Variants in SCP2 observed in about 807,000 individuals in gnomAD.
SCP2 encodes the protein SCP-2/3-oxoacyl-CoA thiolase.
A neutral mutation model predicts 71.4 loss-of-function variants in SCP2; 48 were observed. The ratio of observed to expected loss-of-function variants is 0.67; its 90% CI spans 0.53 to 0.86. The LOEUF (loss-of-function observed/expected upper bound fraction) is 0.86. Among genes scored for constraint, SCP2 ranks in the 40% least tolerant of loss-of-function variants. The pLI is 0.00. For synonymous variants in SCP2, 220 were observed against 218.1 expected (o/e 1.01, Z -0.08); for missense variants, 560 against 655.6 (o/e 0.85, Z 1.59).
Position 53,038,917 on chromosome 1 carries a change from G to A in SCP2, c.1339G>A (p.Glu447Lys). ...ACCCCAGTGTTATTTTTCTTTCCAG[G>A]AAGGGGAACAGTTTGTGAAGAAAAT... Reference protein sequence around the residue: ...FKEIEKKLEEEGEQFVKKIGG... With the variant: ...FKEIEKKLEEKGEQFVKKIGG... The change falls in exon 14 of 16, where the codon GAA becomes AAA. Residue 447 changes from glutamate (E) to lysine (K), a missense_variant and splice_region_variant. Transcript: ENST00000371514. The A allele has an allele frequency of 6.2e-7, 1 of 1,613,966 alleles. No homozygotes were observed. Among genetic ancestry groups the A allele is most frequent in the Non-Finnish European group, 8.5e-7 (1 of 1,180,034 alleles).
rs1247337214 is a variant in SCP2, at chr1:53,014,949, G to C, written c.1141G>C (p.Val381Leu). 6.2e-7 allele frequency: 1 copy of C among 1,613,990 alleles called. No individual in the cohort carries two copies. Among genetic ancestry groups the C allele is most frequent in the Admixed American group, 1.7e-5 (1 of 60,008 alleles). The stretch of plus-strand genomic sequence containing the variant: ...GAGAGGGGAAGCCGGAAAGAGGCAA[G>C]TTCCTGGTGCAAAGGTGGCTCTGCA... Reference protein sequence around the residue: ...QLRGEAGKRQVPGAKVALQHN... With the variant: ...QLRGEAGKRQLPGAKVALQHN... Residue 381 changes from valine to leucine, a missense_variant, in exon 12 of 16, where the codon GTT becomes CTT. By Grantham distance (32) the Val-to-Leu change is conservative. Around this residue, in one of 3 missense-constraint regions of SCP2, gnomAD observed 513 missense variants for 573.1 expected, o/e 0.90. Transcript: ENST00000371514.
chr1:52,978,280 C>T lies in SCP2; in HGVS notation c.738C>T (p.Gly246=), dbSNP rs1293060926. Residue 246 remains glycine, a synonymous_variant, in exon 9 of 16, where the codon GGC becomes GGT. Transcript: ENST00000371514. ...LASEAFVQKY[G]LQSKAVEILA... is the part of the protein sequence containing the mutation. ...GTGAAGCATTTGTACAGAAGTATGG[C>T]CTGCAATCCAAAGCTGTGGAAATTT... 2 of 1,613,916 alleles carry T rather than the reference C, an allele frequency of 1.2e-6. No individual in the cohort carries two copies. Among genetic ancestry groups the T allele is most frequent in the Non-Finnish European group, 1.7e-6 (2 of 1,179,828 alleles).
chr1:53,026,815 G>T (rs764721634), intron 12 of SCP2, among the ~76,000 whole-genome samples: 1 of 151,784 alleles, frequency 6.6e-6, no homozygotes, highest in Non-Finnish European at 1.5e-5. Flanking sequence ...AAGAGAGAGA[G>T]AAAAAGTATG....
At chr1:53,004,844 T>G (rs1660528402) in intron 11 of SCP2, among the ~76,000 whole-genome samples, 1 of 152,062 alleles carries the variant, frequency 6.6e-6, no homozygotes, top group Non-Finnish European at 1.5e-5. Flanking sequence ...ACCCGGGAAG[T>G]GCAAGAGGTT....
At chr1:52,994,701 A>C (rs1165493580) in intron 11 of SCP2, 7 of 688,414 alleles carry the variant, frequency 1.0e-5, no homozygotes, top group South Asian at 6.1e-5. Flanking sequence ...TGAGGCGAGC[A>C]AAAAAATTAA....
chr1:53,038,796 C>G, intron 13 of SCP2, 121 bp from the exon 14 acceptor site: 1 of 1,215,872 alleles, frequency 8.2e-7, no homozygotes, highest in South Asian at 1.3e-5. Context: ...TCATAAGGGA[C>G]CTTGGGGACC....
At chr1:53,029,109 C>T (rs17107648) in intron 13 of SCP2, among the ~76,000 whole-genome samples, 20,875 of 151,860 alleles carry the variant, frequency 0.14, 2,044 homozygotes, top group East Asian at 0.33. Context: ...ACTATATATG[C>T]GGATCTATTT....
At chr1:53,029,378 C>T (rs1662364358) in intron 13 of SCP2, among the ~76,000 whole-genome samples, 1 of 151,988 alleles carries the variant, frequency 6.6e-6, no homozygotes, top group Non-Finnish European at 1.5e-5. Flanking sequence ...ATCCTTTCAC[C>T]TTGGCCCCCC....
intron 12 of SCP2, among the ~76,000 whole-genome samples, chr1:53,021,772 G>A (rs1661762381): frequency 6.6e-6 from 1 of 151,350 alleles, no homozygotes. Context: ...AGACTCCCGA[G>A]TAGCTGGGAC....
chr1:53,000,951 TC>T (rs1660278081), intron 11 of SCP2, among the ~76,000 whole-genome samples: 1 of 151,898 alleles, frequency 6.6e-6, no homozygotes, highest in Non-Finnish European at 1.5e-5. Context: ...CCAGACTTTG[TC>T]TCCAAAAAAA....
At chr1:52,970,135 T>C (rs1657331150) in intron 6 of SCP2, among the ~76,000 whole-genome samples, 1 of 152,216 alleles carries the variant, frequency 6.6e-6, no homozygotes, top group East Asian at 1.9e-4. Context: ...TTCATGGAAA[T>C]ATTTTTTAAA....
At chr1:53,039,083 C>T (rs753081017) in intron 14 of SCP2, 37 bp downstream of exon 14, 9 of 1,612,896 alleles carry the variant, frequency 5.6e-6, no homozygotes, top group South Asian at 1.1e-5. Flanking sequence ...GGAGCACTGA[C>T]GAGTTTACGA....
intron 12 of SCP2, among the ~76,000 whole-genome samples, chr1:53,021,747 C>T (rs542351829): frequency 4.6e-5 from 7 of 150,872 alleles, no homozygotes; most frequent in African/African-American, 1.7e-4. Context: ...TGGGTTCAAG[C>T]GATTCTTGTG....
intron 13 of SCP2, among the ~76,000 whole-genome samples, chr1:53,034,590 G>A (rs962493871): frequency 2.6e-5 from 4 of 152,048 alleles, no homozygotes; most frequent in African/African-American, 9.7e-5. Context: ...TTTTAAAAGA[G>A]TGAATTTTAT....
chr1:52,944,181 C>T (rs1654551940), intron 2 of SCP2, among the ~76,000 whole-genome samples: 1 of 152,208 alleles, frequency 6.6e-6, no homozygotes, highest in African/African-American at 2.4e-5. Context: ...GGAGCCTCCC[C>T]AACTCAATTC....
rs746364212 is a variant in SCP2 at position 52,976,670 on chromosome 1, AT to A, written c.588-9del. The A allele has an allele frequency of 3.0e-6, 4 of 1,330,806 alleles. No individual in the cohort carries two copies. In the Admixed American group the frequency reaches 6.7e-5, roughly 22 times the overall value. 82.4% of individuals were successfully genotyped at this position (1,330,806 alleles called of 1,614,324 possible). On this transcript the variant is annotated splice_polypyrimidine_tract_variant and intron_variant, in intron 7 of 15. Coordinates refer to ENST00000371514, the MANE Select transcript of SCP2 (RefSeq NM_002979.5). ...ATCTCACATTCTGTAACTAATATTTATTTTGTATTTAGGTATTCCCAGTTCC... is the reference window on the plus strand; with the variant it reads ...ATCTCACATTCTGTAACTAATATTTATTTGTATTTAGGTATTCCCAGTTCC...
At chr1:53,043,820 G>A (rs1427634228) in intron 14 of SCP2, among the ~76,000 whole-genome samples, 2 of 152,078 alleles carry the variant, frequency 1.3e-5, no homozygotes, top group Non-Finnish European at 1.5e-5. Context: ...GCTCTTTGAT[G>A]TTATATATCT....
chr1:53,019,233 AT>A (rs1661550863), intron 12 of SCP2, among the ~76,000 whole-genome samples: 1 of 152,110 alleles, frequency 6.6e-6, no homozygotes, highest in African/African-American at 2.4e-5. Flanking sequence ...TTAATAAGTA[AT>A]TTGTAGCAAG....
At chr1:52,946,634 C>T (rs1654822922) in intron 2 of SCP2, among the ~76,000 whole-genome samples, 1 of 151,848 alleles carries the variant, frequency 6.6e-6, no homozygotes, top group African/African-American at 2.4e-5. Context: ...ATACGTTAAG[C>T]AGGAAAAGAT....
Sources: allele counts gnomAD v4.1 joint callset (sites outside exome capture counted in the v4.1 genomes callset), GRCh38; gene constraint gnomAD v4.1.1; regional missense constraint gnomAD v4.1.1; transcripts MANE v1.5; gene names NCBI Gene and HGNC (gene_info 2026-07-23, HGNC 2026-07-21).